Variants in CSMD1 observed in about 807,000 individuals in gnomAD.
CSMD1 encodes CUB and Sushi multiple domains 1.
Under a neutral mutation model 417.5 loss-of-function variants are expected in CSMD1, and 213 were observed. The ratio of observed to expected loss-of-function variants is 0.51; its 90% CI spans 0.46 to 0.57. The LOEUF (loss-of-function observed/expected upper bound fraction) is 0.57. Among genes scored for constraint, CSMD1 ranks in the 20% least tolerant of loss-of-function variants. CSMD1 has a pLI of 0.00. For missense variants in CSMD1, 6,923 were observed against 4,529.7 expected, an observed-to-expected ratio of 1.53 and a Z score of -15.17; for synonymous variants, 2,862 against 1,736.8, an observed-to-expected ratio of 1.65 and a Z score of -16.11.
intron 2 of CSMD1, among the ~76,000 whole-genome samples, chr8:4,431,202 G>C (rs1250538562): frequency 6.6e-6 from 1 of 151,790 alleles, no homozygotes. Flanking sequence ...GTTTATTCCA[G>C]GTCTGTTTTC....
At chr8:4,176,598 A>C (rs192548927) in intron 3 of CSMD1, among the ~76,000 whole-genome samples, 1 of 120,590 alleles carries the variant, frequency 8.3e-6, no homozygotes, top group African/African-American at 3.2e-5. Context: ...GGGACATAGG[A>C]GTAGGAAATT....
At chr8:4,031,579 A>T (rs1185278254) in intron 4 of CSMD1, among the ~76,000 whole-genome samples, 1 of 152,190 alleles carries the variant, frequency 6.6e-6, no homozygotes, top group Non-Finnish European at 1.5e-5. Flanking sequence ...ACAGAGCTAA[A>T]TCATATCAGA....
chr8:3,494,556 A>ATAGATAGGTAGG (rs141403702), intron 10 of CSMD1, among the ~76,000 whole-genome samples: 30 of 8,406 alleles, frequency 3.6e-3, no homozygotes, highest in African/African-American at 0.012. Flanking sequence ...AGATTAGATG[A>ATAGATAGGTAGG]TAGATAGATA....
At chr8:2,996,487 G>A (rs1351226591) in intron 54 of CSMD1, among the ~76,000 whole-genome samples, 1 of 152,218 alleles carries the variant, frequency 6.6e-6, no homozygotes, top group Non-Finnish European at 1.5e-5. Flanking sequence ...TGAGGGCAGG[G>A]TGAGGCATGT....
At chr8:4,287,873 G>A (rs1797148926) in intron 3 of CSMD1, among the ~76,000 whole-genome samples, 1 of 151,970 alleles carries the variant, frequency 6.6e-6, no homozygotes. Context: ...GAAAACAAGG[G>A]CAGTCTCAGG....
At chr8:4,436,955 A>C (rs915379887) in intron 2 of CSMD1, among the ~76,000 whole-genome samples, 1 of 152,102 alleles carries the variant, frequency 6.6e-6, no homozygotes, top group Non-Finnish European at 1.5e-5. Flanking sequence ...TCTTACCTAG[A>C]GTGTACAGTG....
intron 2 of CSMD1, among the ~76,000 whole-genome samples, chr8:4,520,824 T>C (rs1168313228): frequency 6.6e-6 from 1 of 152,226 alleles, no homozygotes; most frequent in Non-Finnish European, 1.5e-5. Flanking sequence ...CCTGTAAGTA[T>C]AACGTATATA....
At chr8:4,148,674 C>G (rs769625257) in intron 3 of CSMD1, among the ~76,000 whole-genome samples, 1 of 152,046 alleles carries the variant, frequency 6.6e-6, no homozygotes, top group Non-Finnish European at 1.5e-5. Context: ...AGCGTGCCCT[C>G]GTGTCTCTTC....
At chr8:4,769,436 T>C (rs1796493963) in intron 1 of CSMD1, among the ~76,000 whole-genome samples, 1 of 152,180 alleles carries the variant, frequency 6.6e-6, no homozygotes, top group Admixed American at 6.5e-5. Flanking sequence ...AACTTTAGAA[T>C]AAGGTATTAT....
At chr8:4,332,136 A>G (rs974261479) in intron 3 of CSMD1, among the ~76,000 whole-genome samples, 1 of 152,138 alleles carries the variant, frequency 6.6e-6, no homozygotes, top group Non-Finnish European at 1.5e-5. Context: ...AGTTGTGATG[A>G]AAATGTCAAG....
intron 3 of CSMD1, among the ~76,000 whole-genome samples, chr8:4,155,211 A>G (rs1208947643): frequency 6.6e-6 from 1 of 152,196 alleles, no homozygotes; most frequent in Non-Finnish European, 1.5e-5. Context: ...TTTGTAACAG[A>G]GCCAGATGAC....
intron 10 of CSMD1, among the ~76,000 whole-genome samples, chr8:3,566,446 C>A (rs1257553190): frequency 6.6e-6 from 1 of 152,074 alleles, no homozygotes; most frequent in Admixed American, 6.5e-5. Context: ...TACCTAGGGA[C>A]CACCGTACCG....
At chr8:3,781,961 G>A (rs1315592650) in intron 5 of CSMD1, among the ~76,000 whole-genome samples, 1 of 152,082 alleles carries the variant, frequency 6.6e-6, no homozygotes, top group Non-Finnish European at 1.5e-5. Flanking sequence ...TAAAAAAGGA[G>A]TATGTGGTAA....
intron 3 of CSMD1, among the ~76,000 whole-genome samples, chr8:4,398,722 A>T (rs542422162): frequency 3.5e-4 from 54 of 152,272 alleles, no homozygotes; most frequent in African/African-American, 1.3e-3. Context: ...TACAGCTTTC[A>T]AACAAATGCT....
intron 41 of CSMD1, among the ~76,000 whole-genome samples, chr8:3,129,686 T>TA (rs936892824): frequency 4.3e-5 from 6 of 138,128 alleles, no homozygotes; most frequent in Non-Finnish European, 4.7e-5. Context: ...AACCATTTTT[T>TA]AAAAAAAAAC....
intron 5 of CSMD1, among the ~76,000 whole-genome samples, chr8:3,785,790 G>C (rs566744998): frequency 2.0e-5 from 3 of 152,096 alleles, no homozygotes; most frequent in South Asian, 2.1e-4. Flanking sequence ...GAGTAGGTAG[G>C]TCCAGGCTGC....
intron 3 of CSMD1, among the ~76,000 whole-genome samples, chr8:4,372,792 T>C (rs1802474965): frequency 6.7e-6 from 1 of 149,958 alleles, no homozygotes; most frequent in Non-Finnish European, 1.5e-5. Context: ...ACAATAAATA[T>C]ACTTGAGTGC....
rs138439054 is a variant in CSMD1, at chr8:4,521,640, G to C, written c.303-101575C>G. On this transcript the variant is annotated intron_variant, in intron 2 of 69. Coordinates refer to ENST00000635120, the MANE Select transcript of CSMD1 (RefSeq NM_033225.6). ...AGAATTGCAAGGTAACTTTATGGTAGAAAAAGGTGGCCCTCAGGTCCTATT... is the reference window on the plus strand; with the variant it reads ...AGAATTGCAAGGTAACTTTATGGTACAAAAAGGTGGCCCTCAGGTCCTATT... Among the ~76,000 whole-genome samples the C allele has an allele frequency of 3.3e-3, 497 of 152,288 alleles. 6 individuals are homozygous for C. Among genetic ancestry groups the C allele is most frequent in the African/African-American group, 0.011 (473 of 41,568 alleles).
At chr8:4,479,977 A>AAT (rs1554492646) in intron 2 of CSMD1, among the ~76,000 whole-genome samples, 30 of 151,680 alleles carry the variant, frequency 2.0e-4, no homozygotes, top group African/African-American at 7.3e-4. Flanking sequence ...AAAAAAAAAA[A>AAT]AAATAAAAAG....
Sources: allele counts gnomAD v4.1 joint callset (sites outside exome capture counted in the v4.1 genomes callset), GRCh38; gene constraint gnomAD v4.1.1; transcripts MANE v1.5; gene names NCBI Gene and HGNC (gene_info 2026-07-23, HGNC 2026-07-21).